The following SCGB1C1 variants were observed in gnomAD, a reference collection of about 807,000 sequenced individuals.
SCGB1C1 encodes the protein secretoglobin family 1C member 1, also known as ligand binding protein RYD5.
Under a neutral mutation model 8.9 loss-of-function variants are expected in SCGB1C1, and 2 were observed. The observed-to-expected ratio is 0.23, with a 90% CI of 0.09 to 0.71. SCGB1C1 has a LOEUF of 0.71. SCGB1C1 is among the 30% of genes least tolerant of loss of function. SCGB1C1 has a pLI of 0.78. For synonymous variants in SCGB1C1, 6 were observed against 45.8 expected (o/e 0.13, Z 3.51); for missense variants, 25 against 112.7 (o/e 0.22, Z 3.52).
chr11:189,984 A>C, upstream of SCGB1C1, among the ~76,000 whole-genome samples: 1 of 152,124 alleles, frequency 6.6e-6, no homozygotes, highest in Non-Finnish European at 1.5e-5. Flanking sequence ...TCTTGCTTGC[A>C]GTGTAGTCGG....
chr11:190,729 G>GA (rs1854786752), upstream of SCGB1C1, among the ~76,000 whole-genome samples: 5 of 151,696 alleles, frequency 3.3e-5, no homozygotes, highest in Non-Finnish European at 4.4e-5. Flanking sequence ...AATCCACTCT[G>GA]GCACCAGCCT....
At chr11:189,936 A>C, upstream of SCGB1C1, among the ~76,000 whole-genome samples, 1 of 152,290 alleles carries the variant, frequency 6.6e-6, no homozygotes, top group Non-Finnish European at 1.5e-5. Flanking sequence ...TAGTGGCAGC[A>C]CGCCCGCCTG....
chr11:194,328 C>G, intron 2 of SCGB1C1, 90 bp from the exon 3 acceptor site: 1 of 1,198,792 alleles, frequency 8.3e-7, no homozygotes, highest in Admixed American at 1.7e-5. Flanking sequence ...GCCAGACCCC[C>G]CCCCACTGAG....
chr11:194,441 C>T lies in SCGB1C1; in HGVS notation c.279C>T (p.Asp93=), dbSNP rs61997072. ...AGGTGCAAGTGCTGGGCAGTCAGGA[C>T]GGTGCCTAAGTGGACCTCAGACATG... ...KLLVQVLGSQ[D]GA Residue 93 remains aspartate, a synonymous_variant, in exon 3 of 3, where the codon GAC becomes GAT. Transcript: ENST00000342878. 0.14 allele frequency: 116,059 copies of T among 858,026 alleles called. 4,150 individuals carry two copies. Among genetic ancestry groups the T allele is most frequent in the South Asian group, 0.28 (19,341 of 69,238 alleles). 53.2% of individuals were successfully genotyped at this position (858,026 alleles called of 1,614,324 possible).
chr11:190,669 T>C (rs1854784605), upstream of SCGB1C1, among the ~76,000 whole-genome samples: 1 of 152,310 alleles, frequency 6.6e-6, no homozygotes, highest in African/African-American at 2.4e-5. Flanking sequence ...CACTTAGGCT[T>C]GTGGGACCTC....
At chr11:192,695 C>T (rs1218858562), upstream of SCGB1C1, among the ~76,000 whole-genome samples, 1 of 151,066 alleles carries the variant, frequency 6.6e-6, no homozygotes, top group African/African-American at 2.4e-5. Flanking sequence ...TCACACAGCA[C>T]ACTGATAAGA....
chr11:192,342 G>A (rs113826403), upstream of SCGB1C1, among the ~76,000 whole-genome samples: 762 of 152,096 alleles, frequency 5.0e-3, 1 homozygote, highest in African/African-American at 0.018. Context: ...TCTCCCCCAG[G>A]GCCTTCAACC....
At chr11:193,545 G>A (rs1334197199) in intron 1 of SCGB1C1, among the ~76,000 whole-genome samples, 167 bp from the exon 2 acceptor site, 11 of 152,400 alleles carry the variant, frequency 7.2e-5, no homozygotes, top group African/African-American at 2.4e-4. Flanking sequence ...GGGTCTTCGG[G>A]CAAGGTGGAG....
chr11:190,808 G>A (rs1854789634), upstream of SCGB1C1, among the ~76,000 whole-genome samples: 1 of 152,292 alleles, frequency 6.6e-6, no homozygotes, highest in Admixed American at 6.5e-5. Context: ...TCTTTTGAAT[G>A]TCCTTCTCTG....
At chr11:190,141 GA>G, upstream of SCGB1C1, among the ~76,000 whole-genome samples, 1 of 42,660 alleles carries the variant, frequency 2.3e-5, no homozygotes, top group Non-Finnish European at 4.5e-5. Context: ...GGCAGCTGAG[GA>G]CACTGCAGGG....
upstream of SCGB1C1, among the ~76,000 whole-genome samples, chr11:190,844 G>A (rs1445383592): frequency 1.3e-5 from 2 of 151,698 alleles, no homozygotes; most frequent in Non-Finnish European, 3.0e-5. Context: ...ATGGTGCCAG[G>A]TTTCTCTTAA....
chr11:192,575 C>T (rs146158062), upstream of SCGB1C1, among the ~76,000 whole-genome samples: 1 of 147,758 alleles, frequency 6.8e-6, no homozygotes, highest in Non-Finnish European at 1.5e-5. Context: ...CCAGGTAGTC[C>T]TACAGCTGTG....
upstream of SCGB1C1, among the ~76,000 whole-genome samples, chr11:189,859 G>GTTGCAGGGCCCTCTTGCTCA (rs1854758323): frequency 8.2e-6 from 1 of 121,390 alleles, no homozygotes. Flanking sequence ...TCTCTTGCTC[G>GTTGCAGGGCCCTCTTGCTCA]CAATATAGTG....
upstream of SCGB1C1, among the ~76,000 whole-genome samples, chr11:190,728 T>C (rs113249928): frequency 1.3e-5 from 2 of 152,140 alleles, no homozygotes; most frequent in African/African-American, 2.4e-5. Flanking sequence ...GAATCCACTC[T>C]GGCACCAGCC....
chr11:191,824 C>CCCTAA (rs71462071), upstream of SCGB1C1, among the ~76,000 whole-genome samples: 27 of 65,444 alleles, frequency 4.1e-4, no homozygotes, highest in African/African-American at 1.2e-3. Flanking sequence ...TAACCCCTAA[C>CCCTAA]CCCTAACCCT....
At chr11:194,269 C>A (rs1665281641) in intron 2 of SCGB1C1, 149 bp from the exon 3 acceptor site, 2 of 601,500 alleles carry the variant, frequency 3.3e-6, no homozygotes, top group Non-Finnish European at 5.9e-6. Context: ...CACACCATCA[C>A]ATGTGCACAC....
upstream of SCGB1C1, among the ~76,000 whole-genome samples, chr11:189,304 AAAATGTAC>A (rs1275074552): frequency 6.6e-6 from 1 of 150,868 alleles, no homozygotes; most frequent in Non-Finnish European, 1.5e-5. Context: ...ATGTATCCCT[AAAATGTAC>A]AAAAGCAAGC....
At chr11:189,433 G>C (rs1413421381), upstream of SCGB1C1, among the ~76,000 whole-genome samples, 1 of 149,952 alleles carries the variant, frequency 6.7e-6, no homozygotes, top group Admixed American at 6.6e-5. Context: ...GACGCGGCGC[G>C]CCGGCGCAGG....
upstream of SCGB1C1, among the ~76,000 whole-genome samples, chr11:188,551 GA>G (rs1172116507): frequency 6.6e-6 from 1 of 152,270 alleles, no homozygotes; most frequent in African/African-American, 2.4e-5. Context: ...TGGAAACCTA[GA>G]AAAAATGGGT....
Sources: allele counts gnomAD v4.1 joint callset (sites outside exome capture counted in the v4.1 genomes callset), GRCh38; gene constraint gnomAD v4.1.1; transcripts MANE v1.5; gene names NCBI Gene and HGNC (gene_info 2026-07-23, HGNC 2026-07-21).